RFT1: variants seen among roughly 807,000 people sequenced by gnomAD.
RFT1 encodes man(5)GlcNAc(2)-PP-dolichol translocation protein RFT1.
In RFT1, 43 loss-of-function variants were observed where a neutral mutation model predicts 62.2. The observed-to-expected ratio is 0.69, with a 90% confidence interval of 0.54 to 0.89. The LOEUF (loss-of-function observed/expected upper bound fraction) is 0.89, where lower values mean the gene tolerates loss of function less well. Among genes scored for constraint, RFT1 ranks in the 40% least tolerant of loss-of-function variants. The probability of loss-of-function intolerance (pLI) is 0.00; values close to 1 mark genes in which losing one functional copy is unlikely to be tolerated. For synonymous variants in RFT1, 262 were observed against 264.6 expected (o/e 0.99, Z 0.10); for missense variants, 605 against 649.9 (o/e 0.93, Z 0.75).
intron 2 of RFT1, among the ~76,000 whole-genome samples, chr3:53,124,681 G>A (rs1215861524): frequency 6.6e-6 from 1 of 152,110 alleles, no homozygotes; most frequent in Admixed American, 6.6e-5. Flanking sequence ...TATTTCTTAG[G>A]GCCAAGTGCC....
chr3:53,129,019 T>C (rs1450870890), intron 1 of RFT1, among the ~76,000 whole-genome samples: 4 of 152,070 alleles, frequency 2.6e-5, no homozygotes. Flanking sequence ...TTTCGTTTTA[T>C]GAAGCCTATC....
chr3:53,114,117 G>C (rs1034195808), intron 6 of RFT1, among the ~76,000 whole-genome samples: 31 of 152,154 alleles, frequency 2.0e-4, no homozygotes, highest in African/African-American at 7.2e-4. Flanking sequence ...AGGGGGCACT[G>C]GGGACCACGT....
intron 2 of RFT1, among the ~76,000 whole-genome samples, chr3:53,124,544 A>C (rs186210013): frequency 6.6e-6 from 1 of 152,286 alleles, no homozygotes; most frequent in African/African-American, 2.4e-5. Flanking sequence ...AACCTTAAGC[A>C]GGGGAGCAGG....
chr3:53,096,723 T>C (rs1701151898), intron 11 of RFT1, among the ~76,000 whole-genome samples: 1 of 152,052 alleles, frequency 6.6e-6, no homozygotes, highest in Admixed American at 6.5e-5. Context: ...GTTTTAATAT[T>C]TCATATACAA....
chr3:53,118,392 G>A (rs1444059466), intron 6 of RFT1, among the ~76,000 whole-genome samples: 1 of 152,154 alleles, frequency 6.6e-6, no homozygotes, highest in African/African-American at 2.4e-5. Context: ...AGGCACAGTG[G>A]TATCCAAAAC....
chr3:53,074,610 C>T, the RFT1 span, among the ~76,000 whole-genome samples: 2 of 152,124 alleles, frequency 1.3e-5, no homozygotes, highest in Non-Finnish European at 2.9e-5. Flanking sequence ...TTGGCAGAGA[C>T]CACATTGCAG....
chr3:53,104,645 A>T (rs1701414976), intron 9 of RFT1, among the ~76,000 whole-genome samples: 1 of 152,258 alleles, frequency 6.6e-6, no homozygotes, highest in Non-Finnish European at 1.5e-5. Flanking sequence ...TTAGGAAAAT[A>T]TTCCTAAATC....
chr3:53,071,738 A>G, the RFT1 span, among the ~76,000 whole-genome samples: 1 of 152,220 alleles, frequency 6.6e-6, no homozygotes, highest in Admixed American at 6.5e-5. Flanking sequence ...CAAACTGCTC[A>G]GGCCTTCCCC....
rs755713927 is a variant in RFT1 at position 53,123,731 on chromosome 3, A to G, written c.259T>C (p.Trp87Arg). 8 of 1,613,366 alleles carry G rather than the reference A, an allele frequency of 5.0e-6. No individual in the cohort carries two copies. Among genetic ancestry groups the G allele is most frequent in the Non-Finnish European group, 6.8e-6 (8 of 1,179,262 alleles). ...TGCCAAAGCACAACTCACGTTAGCC[A>G]CAGCAGGTTGAGGGTCTGGCTCCAG... ...RDWSQTLNLL[W>R]LTVPLGVFWS... Residue 87 changes from tryptophan to arginine, a missense_variant, in exon 3 of 13, where the codon TGG (tryptophan) becomes CGG (arginine). By Grantham distance (101) the Trp-to-Arg change is moderately radical. Coordinates refer to ENST00000296292, the MANE Select transcript of RFT1 (RefSeq NM_052859.4).
At chr3:53,072,777 T>G in the RFT1 span, among the ~76,000 whole-genome samples, 1 of 152,196 alleles carries the variant, frequency 6.6e-6, no homozygotes, top group Admixed American at 6.5e-5. Context: ...CTCCATTGTT[T>G]CCTGTCAGTC....
intron 11 of RFT1, among the ~76,000 whole-genome samples, chr3:53,096,910 A>G (rs1701159005): frequency 6.6e-6 from 1 of 151,776 alleles, no homozygotes; most frequent in South Asian, 2.1e-4. Context: ...ACGCCCAGCT[A>G]ATTTTTGTAT....
chr3:53,092,114 C>A (rs1196989062), intron 12 of RFT1, 44 bp from the exon 13 acceptor site: 55 of 1,610,918 alleles, frequency 3.4e-5, no homozygotes, highest in Non-Finnish European at 4.7e-5. Flanking sequence ...TCAGTCTATA[C>A]CTCCTTCCTC....
intron 4 of RFT1, among the ~76,000 whole-genome samples, 182 bp downstream of exon 4, chr3:53,122,192 A>T (rs984823805): frequency 6.6e-6 from 1 of 152,236 alleles, no homozygotes; most frequent in African/African-American, 2.4e-5. Context: ...GGTGAACTTT[A>T]GCCTAGCCCA....
intron 10 of RFT1, 109 bp from the exon 11 acceptor site, chr3:53,099,595 G>A: frequency 1.2e-6 from 1 of 811,632 alleles, no homozygotes; most frequent in Non-Finnish European, 2.1e-6. Flanking sequence ...GAGGTCTGCT[G>A]GTATCAGCAA....
intron 5 of RFT1, among the ~76,000 whole-genome samples, chr3:53,120,495 T>G (rs1034451246): frequency 3.3e-5 from 5 of 152,196 alleles, no homozygotes; most frequent in African/African-American, 1.2e-4. Flanking sequence ...ACAATTGAGC[T>G]GCTGGCTCTC....
At chr3:53,085,482 GA>G (rs1206989096), downstream of RFT1, among the ~76,000 whole-genome samples, 1 of 152,240 alleles carries the variant, frequency 6.6e-6, no homozygotes, top group African/African-American at 2.4e-5. Context: ...CTCCGAAATA[GA>G]ACGTTTCAAA....
At chr3:53,106,611 A>C (rs1701482228) in intron 8 of RFT1, among the ~76,000 whole-genome samples, 1 of 152,188 alleles carries the variant, frequency 6.6e-6, no homozygotes, top group Non-Finnish European at 1.5e-5. Context: ...CTCAGGAGGC[A>C]AAATAGAGGG....
chr3:53,123,900 G>A (rs1475303076), intron 2 of RFT1, 60 bp from the exon 3 acceptor site: 8 of 1,386,298 alleles, frequency 5.8e-6, no homozygotes, highest in African/African-American at 1.4e-5. Flanking sequence ...AGAACTTCTG[G>A]GATTTTTCCA....
chr3:53,120,474 G>T (rs1701939780), intron 5 of RFT1, among the ~76,000 whole-genome samples: 1 of 152,194 alleles, frequency 6.6e-6, no homozygotes, highest in African/African-American at 2.4e-5. Flanking sequence ...TGCCATTAAT[G>T]ATTACAAAGC....
Sources: allele counts gnomAD v4.1 joint callset (sites outside exome capture counted in the v4.1 genomes callset), GRCh38; gene constraint gnomAD v4.1.1; transcripts MANE v1.5; gene names NCBI Gene and HGNC (gene_info 2026-07-23, HGNC 2026-07-21).